FUT8: variants seen among roughly 807,000 people sequenced by gnomAD.
FUT8 encodes fucosyltransferase 8.
Under a neutral mutation model 71.3 loss-of-function variants are expected in FUT8, and 29 were observed. That is an observed-to-expected ratio of 0.41 (90% CI 0.30 to 0.55). FUT8 has a LOEUF of 0.55. Among genes scored for constraint, FUT8 ranks in the 20% least tolerant of loss-of-function variants. The pLI is 0.34. For synonymous variants in FUT8, 254 were observed against 239.3 expected (o/e 1.06, Z -0.57); for missense variants, 544 against 702.1 (o/e 0.77, Z 2.55).
intron 2 of FUT8, among the ~76,000 whole-genome samples, chr14:65,466,758 A>AG (rs889654285): frequency 1.3e-5 from 2 of 152,136 alleles, no homozygotes; most frequent in African/African-American, 4.8e-5. Flanking sequence ...AAAAAAAAAA[A>AG]GAATAAAATG....
chr14:65,429,968 A>G (rs1334892998), intron 1 of FUT8, among the ~76,000 whole-genome samples: 1 of 151,740 alleles, frequency 6.6e-6, no homozygotes. Flanking sequence ...CGTTATGGAA[A>G]TAAATGTAGA....
Position 65,743,032 on chromosome 14 carries a change from T to C in FUT8, c.*622T>C, listed in dbSNP as rs1896582556. ...GTGAAGAATACATCAGAAAATAAAATATTCACTCTCCATTAGAAAATTTTG... is the reference window on the plus strand; with the variant it reads ...GTGAAGAATACATCAGAAAATAAAACATTCACTCTCCATTAGAAAATTTTG... On this transcript the variant is annotated 3_prime_UTR_variant, in exon 11 of 11. Transcript: ENST00000673929. The C allele has an allele frequency of 6.6e-6, 1 of 151,786 alleles. No individual in the cohort carries two copies. The highest frequency in any genetic ancestry group is 6.6e-5 in the Admixed American group (1 of 15,158). 9.4% of individuals were successfully genotyped at this position (151,786 alleles called of 1,614,324 possible).
intron 3 of FUT8, among the ~76,000 whole-genome samples, chr14:65,611,307 C>G (rs12882763): frequency 9.8e-6 from 1 of 102,414 alleles, no homozygotes; most frequent in African/African-American, 4.3e-5. Context: ...ACACACCCCC[C>G]AAGTAATAGC....
At chr14:65,563,829 A>G (rs992181662) in intron 3 of FUT8, among the ~76,000 whole-genome samples, 2 of 151,994 alleles carry the variant, frequency 1.3e-5, no homozygotes, top group South Asian at 2.1e-4. Context: ...CTTTAGGTCT[A>G]TTAAGTCACT....
the FUT8 span, among the ~76,000 whole-genome samples, chr14:65,359,571 A>G: frequency 6.6e-6 from 1 of 152,138 alleles, no homozygotes; most frequent in Non-Finnish European, 1.5e-5. Context: ...TACTCCAAGT[A>G]TGTTACACAC....
At chr14:65,426,426 A>C (rs747140687) in intron 1 of FUT8, among the ~76,000 whole-genome samples, 6 of 151,994 alleles carry the variant, frequency 3.9e-5, no homozygotes, top group Non-Finnish European at 8.8e-5. Flanking sequence ...TATGTGGCAC[A>C]GGAGCCCTCA....
intron 1 of FUT8, among the ~76,000 whole-genome samples, chr14:65,445,154 C>T (rs1319655356): frequency 1.4e-4 from 21 of 151,984 alleles, no homozygotes; most frequent in Non-Finnish European, 8.8e-5. Flanking sequence ...TGCAGTGAGC[C>T]GAGATCACGC....
intron 3 of FUT8, among the ~76,000 whole-genome samples, chr14:65,591,253 A>G (rs551953211): frequency 2.0e-5 from 3 of 152,140 alleles, no homozygotes; most frequent in African/African-American, 4.8e-5. Flanking sequence ...TTAATGGTCT[A>G]TATGGGTTTC....
At chr14:65,695,907 ACTT>A (rs1409992534) in intron 7 of FUT8, among the ~76,000 whole-genome samples, 1 of 151,964 alleles carries the variant, frequency 6.6e-6, no homozygotes, top group Non-Finnish European at 1.5e-5. Context: ...ATCAGTTATA[ACTT>A]CTTCTAGTGG....
the FUT8 span, among the ~76,000 whole-genome samples, chr14:65,378,899 T>G: frequency 6.3e-5 from 8 of 127,992 alleles, no homozygotes; most frequent in African/African-American, 2.4e-4. Flanking sequence ...CAGGCTGGAG[T>G]GCAGTGGCAT....
chr14:65,652,496 C>T lies in FUT8; in HGVS notation c.598-16747C>T, dbSNP rs183461966. Among the ~76,000 whole-genome samples, 5 of 152,296 alleles carry T rather than the reference C, an allele frequency of 3.3e-5. No homozygotes were observed. The highest frequency in any genetic ancestry group is 4.8e-5 in the African/African-American group (2 of 41,562). ...ACATGATGCTTTGGAGCTGTTACAACCATCTTGTGACCATGAGGCATTCAG... is the reference window on the plus strand; with the variant it reads ...ACATGATGCTTTGGAGCTGTTACAATCATCTTGTGACCATGAGGCATTCAG... On this transcript the variant is annotated intron_variant, in intron 6 of 10. Transcript: ENST00000673929. This position sits in a 1 kb window ranked among gnomAD's most constrained non-coding sequence, Gnocchi z 4.0.
At position 65,629,564 on chromosome 14, in the gene FUT8, A is replaced by G; in HGVS notation, c.555A>G (p.Lys185=). 1 of 1,613,926 alleles carries G rather than the reference A, an allele frequency of 6.2e-7. No individual in the cohort carries two copies. The highest frequency in any genetic ancestry group is 8.5e-7 in the Non-Finnish European group (1 of 1,179,796). Reference sequence around the variant, plus strand: ...GTGATTGGCGGGAAAAAGAGGCCAAAGATCTGACAGAACTGGTTCAGCGGA... The same window carrying G: ...GTGATTGGCGGGAAAAAGAGGCCAAGGATCTGACAGAACTGGTTCAGCGGA... The part of the protein sequence containing the change: ...GAGDWREKEA[K]DLTELVQRRI... Residue 185 remains lysine (K), a synonymous_variant, in exon 6 of 11, where the codon AAA becomes AAG. Coordinates refer to ENST00000673929, the MANE Select transcript of FUT8 (RefSeq NM_001371533.1).
chr14:65,720,550 G>A (rs1895362513), intron 7 of FUT8, among the ~76,000 whole-genome samples: 1 of 152,184 alleles, frequency 6.6e-6, no homozygotes, highest in African/African-American at 2.4e-5. Context: ...GTCTCTTTTG[G>A]AGCTGTGAAC....
chr14:65,708,565 T>C (rs1035084977), intron 7 of FUT8, among the ~76,000 whole-genome samples: 1 of 152,226 alleles, frequency 6.6e-6, no homozygotes, highest in Non-Finnish European at 1.5e-5. Context: ...ACCTCCTTGG[T>C]TAAATTTCCT....
At chr14:65,667,217 G>A (rs945355910) in intron 6 of FUT8, among the ~76,000 whole-genome samples, 2 of 152,040 alleles carry the variant, frequency 1.3e-5, no homozygotes, top group African/African-American at 2.4e-5. Context: ...CAAATAGGAA[G>A]AAAGGAAGTC....
the FUT8 span, among the ~76,000 whole-genome samples, chr14:65,366,527 C>A: frequency 6.6e-6 from 1 of 152,118 alleles, no homozygotes; most frequent in Non-Finnish European, 1.5e-5. Flanking sequence ...AGGATATGTA[C>A]CCAACAGCCC....
chr14:65,677,181 TGTGC>T (rs1892802504), intron 7 of FUT8, among the ~76,000 whole-genome samples: 1 of 127,912 alleles, frequency 7.8e-6, no homozygotes, highest in Admixed American at 8.2e-5. Flanking sequence ...CACGTATGTG[TGTGC>T]GCATGTGTGT....
chr14:65,614,104 AC>A (rs1178731652), intron 3 of FUT8, among the ~76,000 whole-genome samples: 6 of 109,124 alleles, frequency 5.5e-5, no homozygotes, highest in African/African-American at 2.1e-4. Flanking sequence ...ACAAATCGAG[AC>A]TGTGTCAAAA....
chr14:65,456,655 A>G (rs1385528662), intron 2 of FUT8, among the ~76,000 whole-genome samples: 1 of 152,014 alleles, frequency 6.6e-6, no homozygotes, highest in Non-Finnish European at 1.5e-5. Context: ...CGGGCGGATC[A>G]TGAGGTCAAG....
Sources: gnomAD v4.1 joint callset for allele counts (sites outside exome capture counted in the v4.1 genomes callset) on GRCh38, gnomAD v4.1.1 for gene constraint, Gnocchi (gnomAD v3.1) non-coding constraint, MANE v1.5 for transcripts, NCBI Gene and HGNC (gene_info 2026-07-23, HGNC 2026-07-21) for gene names.